Variants in ZBBX observed in about 807,000 individuals in gnomAD.
The protein encoded by ZBBX is zinc finger B-box domain containing, also known as zinc finger B-box domain-containing protein 1.
A neutral mutation model predicts 108.5 loss-of-function variants in ZBBX; 101 were observed. That is an observed-to-expected ratio of 0.93 (90% CI 0.79 to 1.10). The LOEUF (loss-of-function observed/expected upper bound fraction) is 1.10, where lower values mean the gene tolerates loss of function less well. ZBBX is among the 50% of genes least tolerant of loss of function. The probability of loss-of-function intolerance (pLI) is 0.00; values close to 1 mark genes in which losing one functional copy is unlikely to be tolerated. For missense variants in ZBBX, 1,009 were observed against 941.4 expected (o/e 1.07, Z -0.94); for synonymous variants, 356 against 323.4 (o/e 1.10, Z -1.08).
chr3:167,330,317 C>T (rs1357786741), intron 10 of ZBBX, among the ~76,000 whole-genome samples: 1 of 152,116 alleles, frequency 6.6e-6, no homozygotes, highest in Non-Finnish European at 1.5e-5. Flanking sequence ...ATGAAATGCA[C>T]TTTCCATTTA....
intron 19 of ZBBX, among the ~76,000 whole-genome samples, chr3:167,284,176 A>C (rs1729300203): frequency 8.2e-6 from 1 of 121,736 alleles, no homozygotes; most frequent in Non-Finnish European, 1.7e-5. Flanking sequence ...TAAGTGTTAA[A>C]AACATATATC....
chr3:167,182,121 G>A, the ZBBX span, among the ~76,000 whole-genome samples: 4 of 152,106 alleles, frequency 2.6e-5, no homozygotes, highest in Admixed American at 2.6e-4. Flanking sequence ...CTGACTCGCT[G>A]ATTTTTTTTA....
intron 8 of ZBBX, among the ~76,000 whole-genome samples, chr3:167,359,224 G>C (rs1744119549): frequency 6.6e-6 from 1 of 152,080 alleles, no homozygotes; most frequent in Non-Finnish European, 1.5e-5. Context: ...TTTACATAAA[G>C]TTCAAGAACA....
At chr3:167,311,878 T>C (rs1343773503) in intron 16 of ZBBX, among the ~76,000 whole-genome samples, 1 of 152,122 alleles carries the variant, frequency 6.6e-6, no homozygotes, top group African/African-American at 2.4e-5. Flanking sequence ...TTGGCAATTA[T>C]TAAAACAAAA....
chr3:167,199,781 A>C, the ZBBX span, among the ~76,000 whole-genome samples: 7 of 152,222 alleles, frequency 4.6e-5, no homozygotes, highest in Non-Finnish European at 5.9e-5. Context: ...TAGGGTTTAC[A>C]GATTTGGCAA....
the ZBBX span, among the ~76,000 whole-genome samples, chr3:167,205,192 C>CAT: frequency 6.6e-6 from 1 of 151,936 alleles, no homozygotes; most frequent in African/African-American, 2.4e-5. Flanking sequence ...TGAACTTTTC[C>CAT]ATAGAAGGTC....
At chr3:167,295,901 G>A (rs1249665939) in intron 18 of ZBBX, among the ~76,000 whole-genome samples, 2 of 151,026 alleles carry the variant, frequency 1.3e-5, no homozygotes, top group South Asian at 2.1e-4. Context: ...AAAGATTGAA[G>A]AGGAGGGACA....
intron 1 of ZBBX, among the ~76,000 whole-genome samples, chr3:167,389,338 A>G (rs1281723525): frequency 1.3e-5 from 2 of 152,132 alleles, no homozygotes; most frequent in Non-Finnish European, 2.9e-5. Context: ...ATAGTACTCC[A>G]TGGTGTATAT....
chr3:167,348,346 A>AAGAAAGAAAGAAAGAAAGAAAG (rs1212097217), intron 9 of ZBBX, among the ~76,000 whole-genome samples: 18 of 115,668 alleles, frequency 1.6e-4, no homozygotes, highest in African/African-American at 6.1e-4. Context: ...GAAAGAAAGA[A>AAGAAAGAAAGAAAGAAAGAAAG]AGAAAGAAAG....
intron 20 of ZBBX, among the ~76,000 whole-genome samples, chr3:167,262,133 G>A (rs1724651450): frequency 6.6e-6 from 1 of 152,174 alleles, no homozygotes; most frequent in Non-Finnish European, 1.5e-5. Flanking sequence ...AGCTTCTCCA[G>A]TGGGGATGTA....
chr3:167,298,204 T>C, intron 18 of ZBBX, 101 bp downstream of exon 18: 1 of 948,650 alleles, frequency 1.1e-6, no homozygotes, highest in African/African-American at 1.7e-5. Context: ...TTAATAATTT[T>C]AGGCTGGCAA....
chr3:167,350,627 C>T (rs1431598283), intron 8 of ZBBX, 112 bp from the exon 9 acceptor site: 6 of 657,514 alleles, frequency 9.1e-6, no homozygotes, highest in Middle Eastern at 9.7e-4. Context: ...TAATTAAATA[C>T]CTATATCATC....
intron 10 of ZBBX, among the ~76,000 whole-genome samples, chr3:167,331,871 C>G (rs1177678204): frequency 6.6e-6 from 1 of 152,172 alleles, no homozygotes; most frequent in Non-Finnish European, 1.5e-5. Context: ...AACAGCATCA[C>G]TATTTCAAAC....
At chr3:167,205,027 G>T in the ZBBX span, among the ~76,000 whole-genome samples, 1 of 152,032 alleles carries the variant, frequency 6.6e-6, no homozygotes, top group East Asian at 1.9e-4. Flanking sequence ...ATAGGAGGAG[G>T]CAGAGAGAGA....
chr3:167,249,330 A>G (rs776948341), intron 20 of ZBBX, among the ~76,000 whole-genome samples: 2 of 152,142 alleles, frequency 1.3e-5, no homozygotes, highest in Non-Finnish European at 2.9e-5. Flanking sequence ...ACAGAGTAGG[A>G]TTGCCCTCCT....
the ZBBX span, among the ~76,000 whole-genome samples, chr3:167,183,849 T>C: frequency 1.8e-4 from 28 of 152,148 alleles, no homozygotes; most frequent in Admixed American, 3.3e-4. Flanking sequence ...AGAGATTATT[T>C]TTTATGGCCA....
chr3:167,207,516 A>G, the ZBBX span, among the ~76,000 whole-genome samples: 9 of 152,180 alleles, frequency 5.9e-5, no homozygotes, highest in Admixed American at 1.3e-4. Flanking sequence ...ACCTTTTAAA[A>G]TATCACACTT....
intron 20 of ZBBX, among the ~76,000 whole-genome samples, chr3:167,273,137 G>C (rs1205851442): frequency 1.3e-5 from 2 of 152,072 alleles, no homozygotes; most frequent in African/African-American, 4.8e-5. Context: ...CTTCTAATCA[G>C]ACTGCCATCT....
chr3:167,349,488 ATTAG>A (rs1486297120), intron 9 of ZBBX, among the ~76,000 whole-genome samples: 3 of 152,002 alleles, frequency 2.0e-5, no homozygotes, highest in Non-Finnish European at 4.4e-5. Flanking sequence ...TTTGGTGAAT[ATTAG>A]TTAGGTATAT....
Sources: gnomAD v4.1 joint callset for allele counts (sites outside exome capture counted in the v4.1 genomes callset) on GRCh38, gnomAD v4.1.1 for gene constraint, MANE v1.5 for transcripts, NCBI Gene and HGNC (gene_info 2026-07-23, HGNC 2026-07-21) for gene names.